L3MBTL4: variants seen among roughly 807,000 people sequenced by gnomAD.
L3MBTL4 encodes the protein lethal(3)malignant brain tumor-like protein 4.
L3MBTL4 carries 70 observed loss-of-function variants against 84.5 expected under a neutral mutation model. That is an observed-to-expected ratio of 0.83 (90% CI 0.68 to 1.01). The LOEUF (loss-of-function observed/expected upper bound fraction) is 1.01. L3MBTL4 is among the 50% of genes least tolerant of loss of function. The probability of loss-of-function intolerance (pLI) is 0.00; values close to 1 mark genes in which losing one functional copy is unlikely to be tolerated. For missense variants in L3MBTL4, 715 were observed against 754.8 expected (o/e 0.95, Z 0.62); for synonymous variants, 274 against 259.8 (o/e 1.05, Z -0.52).
intron 11 of L3MBTL4, 26 bp from the exon 12 acceptor site, chr18:6,213,285 A>G: frequency 7.5e-7 from 1 of 1,324,586 alleles, no homozygotes; most frequent in South Asian, 1.3e-5. Flanking sequence ...TAAGTACAAC[A>G]AATCATGCAA....
intron 10 of L3MBTL4, among the ~76,000 whole-genome samples, chr18:6,221,743 T>G (rs1446717207): frequency 6.6e-6 from 1 of 152,214 alleles, no homozygotes; most frequent in African/African-American, 2.4e-5. Flanking sequence ...CACTATCATT[T>G]TAAGAACCTG....
intron 10 of L3MBTL4, among the ~76,000 whole-genome samples, chr18:6,230,757 T>C (rs537881269): frequency 5.7e-4 from 86 of 152,194 alleles, no homozygotes; most frequent in African/African-American, 2.0e-3. Context: ...GCATCTGTTA[T>C]TTTTTTGACT....
At chr18:6,364,455 A>G (rs533057348) in intron 1 of L3MBTL4, among the ~76,000 whole-genome samples, 132 of 152,258 alleles carry the variant, frequency 8.7e-4, no homozygotes, top group Admixed American at 2.6e-3. Flanking sequence ...CAAAAAGTTA[A>G]GAACTCCAGT....
chr18:6,021,769 G>C (rs149157389), intron 16 of L3MBTL4, among the ~76,000 whole-genome samples: 8 of 151,946 alleles, frequency 5.3e-5, no homozygotes, highest in East Asian at 1.9e-4. Context: ...GCAGCGGGGT[G>C]GGGGGGTGGC....
intron 3 of L3MBTL4, among the ~76,000 whole-genome samples, chr18:6,308,801 A>G (rs554894061): frequency 6.6e-6 from 1 of 152,242 alleles, no homozygotes; most frequent in African/African-American, 2.4e-5. Flanking sequence ...CAGTGGTCAC[A>G]CGGTTAGGAA....
At chr18:6,186,164 C>T (rs1191164973) in intron 12 of L3MBTL4, among the ~76,000 whole-genome samples, 2 of 151,928 alleles carry the variant, frequency 1.3e-5, no homozygotes, top group Non-Finnish European at 2.9e-5. Context: ...AGGTGCCCAC[C>T]ACCATGCCTG....
At chr18:6,031,281 A>G (rs1411382583) in intron 16 of L3MBTL4, 13 of 985,328 alleles carry the variant, frequency 1.3e-5, no homozygotes, top group African/African-American at 1.7e-5. Context: ...CAGAATGGTG[A>G]ACAGTGTTCT....
chr18:6,401,252 TAAC>T (rs1454089454), intron 1 of L3MBTL4, among the ~76,000 whole-genome samples: 4 of 152,200 alleles, frequency 2.6e-5, no homozygotes, highest in South Asian at 4.1e-4. Flanking sequence ...GGGTATTTAA[TAAC>T]AGCACGTGGC....
intron 1 of L3MBTL4, among the ~76,000 whole-genome samples, chr18:6,381,722 C>T (rs914420771): frequency 3.9e-5 from 6 of 152,208 alleles, no homozygotes; most frequent in East Asian, 1.9e-4. Context: ...GATGGGGTTC[C>T]GTTTGTGGGT....
chr18:6,207,045 T>C (rs1382010542), intron 12 of L3MBTL4, among the ~76,000 whole-genome samples: 1 of 152,192 alleles, frequency 6.6e-6, no homozygotes, highest in East Asian at 1.9e-4. Flanking sequence ...CCTGTTTCTG[T>C]GAGTCCCATG....
chr18:6,114,071 C>T (rs1268112448), intron 14 of L3MBTL4, among the ~76,000 whole-genome samples: 1 of 152,220 alleles, frequency 6.6e-6, no homozygotes, highest in East Asian at 1.9e-4. Flanking sequence ...GAGCTACACA[C>T]AAACACACAC....
At chr18:6,352,671 C>A (rs1480269110) in intron 1 of L3MBTL4, among the ~76,000 whole-genome samples, 2 of 152,198 alleles carry the variant, frequency 1.3e-5, no homozygotes, top group Non-Finnish European at 1.5e-5. Context: ...AGGTAGGATA[C>A]AGACAGTGAC....
chr18:6,383,124 C>T (rs1431213172), intron 1 of L3MBTL4, among the ~76,000 whole-genome samples: 2 of 152,086 alleles, frequency 1.3e-5, no homozygotes, highest in African/African-American at 2.4e-5. Flanking sequence ...GGTAAAACTG[C>T]CTACTCAAGC....
At chr18:6,127,223 T>C (rs888093070) in intron 14 of L3MBTL4, among the ~76,000 whole-genome samples, 1 of 152,218 alleles carries the variant, frequency 6.6e-6, no homozygotes, top group Non-Finnish European at 1.5e-5. Flanking sequence ...ATGGGCTGCA[T>C]GTGGCCTAGG....
At chr18:5,957,328 A>G (rs608493) in intron 18 of L3MBTL4, among the ~76,000 whole-genome samples, 21,271 of 152,174 alleles carry the variant, frequency 0.14, 2,920 homozygotes, top group African/African-American at 0.36. Context: ...TTGTATATGT[A>G]TATCAAATCA....
chr18:6,284,509 G>A (rs2049471778), intron 4 of L3MBTL4, among the ~76,000 whole-genome samples: 1 of 152,328 alleles, frequency 6.6e-6, no homozygotes, highest in East Asian at 1.9e-4. Flanking sequence ...CGAGGCGGGA[G>A]GCAGGCACTC....
chr18:6,138,260 A>G lies in L3MBTL4; in HGVS notation c.1133T>C (p.Val378Ala), dbSNP rs923923755. Reference protein sequence around the residue: ...NDLKILPGQAVCPTPGCRGIG... With the variant: ...NDLKILPGQAACPTPGCRGIG... The stretch of plus-strand genomic sequence containing the variant: ...TCCTCGGCACCCGGGAGTAGGACAG[A>G]CAGCTTGACCTGGAAGGATCTTCAG... Residue 378 changes from valine to alanine, a missense_variant, in exon 14 of 19, where the codon GTC becomes GCC. Val to Ala is a moderately conservative substitution (Grantham distance 64). Coordinates refer to ENST00000317931, the MANE Select transcript of L3MBTL4 (RefSeq NM_001330559.2). The G allele has an allele frequency of 6.2e-7, 1 of 1,613,360 alleles. No individual in the cohort carries two copies.
chr18:6,280,804 G>C (rs977637099), intron 4 of L3MBTL4, among the ~76,000 whole-genome samples: 1 of 152,138 alleles, frequency 6.6e-6, no homozygotes, highest in Admixed American at 6.6e-5. Flanking sequence ...GAGCACAAGA[G>C]AGATCCGACC....
chr18:6,401,389 G>A (rs1480837080), intron 1 of L3MBTL4, among the ~76,000 whole-genome samples: 1 of 152,066 alleles, frequency 6.6e-6, no homozygotes, highest in East Asian at 1.9e-4. Flanking sequence ...ATTACCTTGT[G>A]GAAATCTGAG....
Sources: allele counts gnomAD v4.1 joint callset (sites outside exome capture counted in the v4.1 genomes callset), GRCh38; gene constraint gnomAD v4.1.1; transcripts MANE v1.5; gene names NCBI Gene and HGNC (gene_info 2026-07-23, HGNC 2026-07-21).